MORC1: variants seen among roughly 807,000 people sequenced by gnomAD.
The protein encoded by MORC1 is MORC family CW-type zinc finger protein 1.
In MORC1, 59 loss-of-function variants were observed where a neutral mutation model predicts 134.9. That is an observed-to-expected ratio of 0.44 (90% CI 0.35 to 0.54). The LOEUF is 0.54. Among genes scored for constraint, MORC1 ranks in the 20% least tolerant of loss-of-function variants. MORC1 has a pLI of 0.00. For synonymous variants in MORC1, 395 were observed against 391.7 expected, an observed-to-expected ratio of 1.01 and a Z score of -0.10; for missense variants, 947 against 1,134.5, an observed-to-expected ratio of 0.83 and a Z score of 2.37.
intron 21 of MORC1, among the ~76,000 whole-genome samples, chr3:108,988,554 A>G (rs939497556): frequency 6.6e-6 from 1 of 152,200 alleles, no homozygotes; most frequent in African/African-American, 2.4e-5. Flanking sequence ...ACTTCAGACT[A>G]AAGACTTTTC....
intron 17 of MORC1, among the ~76,000 whole-genome samples, chr3:109,018,598 T>C (rs1415951333): frequency 6.6e-6 from 1 of 152,162 alleles, no homozygotes; most frequent in East Asian, 1.9e-4. Context: ...AGATACATTT[T>C]CTTAGGAGTT....
intron 8 of MORC1, among the ~76,000 whole-genome samples, chr3:109,077,844 G>T (rs1171585911): frequency 6.6e-6 from 1 of 151,978 alleles, no homozygotes; most frequent in Non-Finnish European, 1.5e-5. Flanking sequence ...AAAAAATCTA[G>T]TTATATGCTG....
chr3:109,095,137 TTTCA>T, intron 6 of MORC1, 69 bp from the exon 7 acceptor site: 1 of 1,405,638 alleles, frequency 7.1e-7, no homozygotes, highest in Non-Finnish European at 9.6e-7. Flanking sequence ...GTCTTATCTA[TTTCA>T]TTCCACTCTT....
At chr3:109,029,458 A>G (rs1019824975) in intron 16 of MORC1, among the ~76,000 whole-genome samples, 1 of 152,246 alleles carries the variant, frequency 6.6e-6, no homozygotes, top group Admixed American at 6.5e-5. Flanking sequence ...GAAATGAATT[A>G]CACTTTAATA....
At chr3:109,040,403 A>AAAGAAAGAAAGAGAGAGAAGGAAGGAAG in intron 14 of MORC1, among the ~76,000 whole-genome samples, 1 of 13,572 alleles carries the variant, frequency 7.4e-5, no homozygotes, top group South Asian at 4.7e-3. Flanking sequence ...AGAAAGAAAG[A>AAAGAAAGAAAGAGAGAGAAGGAAGGAAG]GAAGGAAGGA....
At chr3:108,982,133 C>A (rs1947742767) in intron 23 of MORC1, among the ~76,000 whole-genome samples, 1 of 152,126 alleles carries the variant, frequency 6.6e-6, no homozygotes, top group Non-Finnish European at 1.5e-5. Context: ...ATTTATGCAG[C>A]CAACAGACAC....
chr3:109,052,982 A>G (rs545748212), intron 14 of MORC1, among the ~76,000 whole-genome samples: 1 of 152,280 alleles, frequency 6.6e-6, no homozygotes, highest in African/African-American at 2.4e-5. Flanking sequence ...TCTCAGAAGA[A>G]GACATACATG....
intron 5 of MORC1, 139 bp from the exon 6 acceptor site, chr3:109,099,605 CA>C: frequency 1.8e-6 from 1 of 556,246 alleles, no homozygotes; most frequent in South Asian, 3.5e-5. Flanking sequence ...CAAGAGGGTA[CA>C]ATTTTTTTTT....
intron 8 of MORC1, among the ~76,000 whole-genome samples, chr3:109,080,910 T>C (rs1337250634): frequency 6.6e-6 from 1 of 152,140 alleles, no homozygotes; most frequent in Non-Finnish European, 1.5e-5. Context: ...CCATGTATGA[T>C]AAAAATTTAG....
chr3:109,072,618 C>A (rs79037879), intron 8 of MORC1, among the ~76,000 whole-genome samples: 5,672 of 152,178 alleles, frequency 0.037, 354 homozygotes, highest in African/African-American at 0.13. Context: ...TTATGTATGA[C>A]GGATTATCTT....
At chr3:108,965,036 C>T (rs183451382) in intron 26 of MORC1, among the ~76,000 whole-genome samples, 36 of 152,240 alleles carry the variant, frequency 2.4e-4, no homozygotes, top group Admixed American at 2.0e-3. Flanking sequence ...GCAGGCAAAC[C>T]CAGGGAGAGA....
intron 17 of MORC1, among the ~76,000 whole-genome samples, chr3:109,011,089 C>T (rs757871686): frequency 1.3e-5 from 2 of 152,186 alleles, no homozygotes; most frequent in Non-Finnish European, 2.9e-5. Context: ...TAGGCTTACT[C>T]CTATAATCCC....
At chr3:108,976,277 A>G (rs1576586015) in intron 24 of MORC1, among the ~76,000 whole-genome samples, 2 of 152,148 alleles carry the variant, frequency 1.3e-5, no homozygotes. Context: ...TGGAGGGAAC[A>G]CCCTTTATAC....
intron 14 of MORC1, among the ~76,000 whole-genome samples, chr3:109,046,890 GTACTTTTTT>G (rs1949708096): frequency 1.3e-5 from 2 of 152,092 alleles, no homozygotes; most frequent in African/African-American, 4.8e-5. Flanking sequence ...CCCATATACA[GTACTTTTTT>G]TTCTTCAAAG....
chr3:109,040,963 T>C (rs1035210831), intron 14 of MORC1, among the ~76,000 whole-genome samples: 1 of 151,424 alleles, frequency 6.6e-6, no homozygotes, highest in African/African-American at 2.4e-5. Context: ...GAAAAAATAC[T>C]GTAACTGAAA....
At chr3:108,999,110 C>G (rs1948322588) in intron 21 of MORC1, among the ~76,000 whole-genome samples, 1 of 152,180 alleles carries the variant, frequency 6.6e-6, no homozygotes, top group Admixed American at 6.5e-5. Context: ...ATTTACAACA[C>G]CAGTTGCAGT....
At chr3:109,080,164 G>A (rs1668615966) in intron 8 of MORC1, among the ~76,000 whole-genome samples, 1 of 152,102 alleles carries the variant, frequency 6.6e-6, no homozygotes, top group Non-Finnish European at 1.5e-5. Flanking sequence ...ACCTGAGACT[G>A]GGCAATTTAC....
At chr3:109,072,522 G>A (rs1950341090) in intron 8 of MORC1, among the ~76,000 whole-genome samples, 1 of 152,166 alleles carries the variant, frequency 6.6e-6, no homozygotes, top group Admixed American at 6.5e-5. Flanking sequence ...CATGAAGCTA[G>A]CGCTCTCATC....
intron 20 of MORC1, among the ~76,000 whole-genome samples, chr3:109,001,124 A>G (rs563204818): frequency 1.4e-4 from 21 of 152,050 alleles, no homozygotes; most frequent in African/African-American, 4.6e-4. Flanking sequence ...AAATTAGCTT[A>G]TCTTTCTTTT....
Sources: allele counts gnomAD v4.1 joint callset (sites outside exome capture counted in the v4.1 genomes callset), GRCh38; gene constraint gnomAD v4.1.1; transcripts MANE v1.5; gene names NCBI Gene and HGNC (gene_info 2026-07-23, HGNC 2026-07-21).